Variants in ARID4B observed in about 807,000 individuals in gnomAD.
The protein encoded by ARID4B is AT-rich interaction domain 4B, also known as AT-rich interactive domain-containing protein 4B.
ARID4B carries 26 observed loss-of-function variants against 147.5 expected under a neutral mutation model. The observed-to-expected ratio is 0.18, with a 90% confidence interval of 0.13 to 0.24. The LOEUF (loss-of-function observed/expected upper bound fraction) is 0.24. ARID4B is among the 10% of genes least tolerant of loss of function. The probability of loss-of-function intolerance (pLI) is 1.00; values close to 1 mark genes in which losing one functional copy is unlikely to be tolerated. For missense variants in ARID4B, 1,179 were observed against 1,511.5 expected (o/e 0.78, Z 3.65); for synonymous variants, 512 against 507.9 (o/e 1.01, Z -0.11).
chr1:235,190,941 T>TAA (rs1424275869), intron 19 of ARID4B, among the ~76,000 whole-genome samples: 2 of 152,204 alleles, frequency 1.3e-5, no homozygotes, highest in African/African-American at 4.8e-5. Context: ...CTATTATCAT[T>TAA]AAGCTACCTG....
At chr1:235,261,173 T>C (rs905969294) in intron 2 of ARID4B, among the ~76,000 whole-genome samples, 17 of 152,166 alleles carry the variant, frequency 1.1e-4, no homozygotes, top group African/African-American at 4.1e-4. Flanking sequence ...ATCTTGGCAG[T>C]CACCCAGATT....
chr1:235,231,037 C>A, intron 10 of ARID4B, 76 bp downstream of exon 10: 3 of 1,043,818 alleles, frequency 2.9e-6, no homozygotes, highest in South Asian at 1.5e-5. Flanking sequence ...TTTTAAAGAG[C>A]AAAGAAAAAT....
chr1:235,238,153 A>AAAAAG lies in ARID4B; in HGVS notation c.585+2155_585+2159dup, dbSNP rs1232349730. Among the ~76,000 whole-genome samples, 813 of 141,688 alleles carry AAAAAG rather than the reference A, an allele frequency of 5.7e-3. 9 individuals are homozygous for AAAAAG. The highest frequency in any genetic ancestry group is 0.022 in the African/African-American group (762 of 35,248). 93.0% of individuals were successfully genotyped at this position (141,688 alleles called of 152,430 possible). On this transcript the variant is annotated intron_variant, in intron 8 of 23. Coordinates refer to ENST00000264183, the MANE Select transcript of ARID4B (RefSeq NM_016374.6). ...GGCGAAACTCCATCTCAAAAAAAAA[A>AAAAAG]AAAAGAAAAGAAAAGAAAAGAAAAA... is the stretch of plus-strand genomic sequence containing the variant.
chr1:235,265,925 C>T (rs1349281944), intron 2 of ARID4B, among the ~76,000 whole-genome samples: 1 of 151,930 alleles, frequency 6.6e-6, no homozygotes, highest in Non-Finnish European at 1.5e-5. Context: ...TACTTTACAA[C>T]CTGGGAGGCA....
intron 2 of ARID4B, among the ~76,000 whole-genome samples, chr1:235,279,913 G>T (rs1671559022): frequency 6.6e-6 from 1 of 152,190 alleles, no homozygotes; most frequent in South Asian, 2.1e-4. Context: ...TGTGTGTCTT[G>T]TGTAACTCTA....
intron 2 of ARID4B, among the ~76,000 whole-genome samples, chr1:235,301,729 TG>T (rs761525234): frequency 3.1e-4 from 46 of 149,638 alleles, no homozygotes; most frequent in Admixed American, 4.7e-4. Flanking sequence ...CTTTTTTTTT[TG>T]TGAGATGCAG....
chr1:235,185,060 G>A (rs1664581720), intron 19 of ARID4B, among the ~76,000 whole-genome samples: 1 of 152,108 alleles, frequency 6.6e-6, no homozygotes, highest in African/African-American at 2.4e-5. Flanking sequence ...CAAGTGATCT[G>A]CTCATCTCAG....
chr1:235,246,912 CATAAA>C (rs1460895938), intron 6 of ARID4B, among the ~76,000 whole-genome samples: 1 of 151,910 alleles, frequency 6.6e-6, no homozygotes, highest in Admixed American at 6.6e-5. Context: ...AATCATAATC[CATAAA>C]ATAAAATTAT....
chr1:235,241,546 G>T (rs554774958), intron 7 of ARID4B, among the ~76,000 whole-genome samples: 60 of 152,188 alleles, frequency 3.9e-4, no homozygotes, highest in Non-Finnish European at 7.5e-4. Flanking sequence ...TTGAGGCGGA[G>T]TCTAGCTCTG....
chr1:235,193,793 T>C (rs958521310), intron 19 of ARID4B, among the ~76,000 whole-genome samples: 1 of 152,176 alleles, frequency 6.6e-6, no homozygotes, highest in African/African-American at 2.4e-5. Flanking sequence ...CGGATTTGGC[T>C]TGTGGAATGC....
At chr1:235,269,369 C>T (rs1670821919) in intron 2 of ARID4B, among the ~76,000 whole-genome samples, 1 of 152,126 alleles carries the variant, frequency 6.6e-6, no homozygotes, top group Non-Finnish European at 1.5e-5. Flanking sequence ...TTGAATACTA[C>T]TGAATTATTT....
At chr1:235,301,754 A>G (rs1197567869) in intron 2 of ARID4B, among the ~76,000 whole-genome samples, 1 of 149,112 alleles carries the variant, frequency 6.7e-6, no homozygotes, top group Admixed American at 6.7e-5. Flanking sequence ...CGCTCTTATC[A>G]CCCAGGCTGG....
rs34808765 is a variant in ARID4B, at chr1:235,176,437, C to CAAAAAAAAAAAAAAAAA, written c.3449-1055_3449-1039dup. Among the ~76,000 whole-genome samples the CAAAAAAAAAAAAAAAAA allele has an allele frequency of 3.1e-4, 7 of 22,532 alleles. 1 individual carries two copies. Among genetic ancestry groups the CAAAAAAAAAAAAAAAAA allele is most frequent in the African/African-American group, 6.9e-4 (7 of 10,072 alleles). 14.8% of individuals were successfully genotyped at this position (22,532 alleles called of 152,430 possible). On this transcript the variant is annotated intron_variant, in intron 21 of 23. Coordinates refer to ENST00000264183, the MANE Select transcript of ARID4B (RefSeq NM_016374.6). The stretch of plus-strand genomic sequence containing the variant: ...CTGATTTTTCACTTAACAACATCAC[C>CAAAAAAAAAAAAAAAAA]AAAAAAAAAAAAAAAAAAAAAAAAA...
intron 20 of ARID4B, among the ~76,000 whole-genome samples, chr1:235,179,331 C>T (rs949278072): frequency 2.0e-5 from 3 of 151,120 alleles, no homozygotes; most frequent in South Asian, 2.1e-4. Flanking sequence ...GTCAGGAGTT[C>T]GTAGACCAGC....
intron 2 of ARID4B, among the ~76,000 whole-genome samples, chr1:235,319,510 CA>C (rs908404872): frequency 1.3e-5 from 2 of 151,304 alleles, no homozygotes; most frequent in African/African-American, 4.9e-5. Flanking sequence ...GGCCATGTCT[CA>C]AAAAAAATAA....
intron 2 of ARID4B, among the ~76,000 whole-genome samples, chr1:235,320,487 G>A (rs759994594): frequency 6.6e-6 from 1 of 152,116 alleles, no homozygotes; most frequent in Admixed American, 6.6e-5. Context: ...CCTTCTGACT[G>A]ATCTCCCTAC....
intron 17 of ARID4B, among the ~76,000 whole-genome samples, chr1:235,203,578 T>C (rs1483053158): frequency 6.6e-6 from 1 of 152,200 alleles, no homozygotes; most frequent in East Asian, 1.9e-4. Context: ...TAAAATCATC[T>C]ATATTTTGCT....
chr1:235,325,104 A>G (rs1675128417), intron 2 of ARID4B, among the ~76,000 whole-genome samples: 1 of 152,220 alleles, frequency 6.6e-6, no homozygotes, highest in Non-Finnish European at 1.5e-5. Context: ...TTTTAGTACT[A>G]ATAATTACTA....
chr1:235,185,924 C>T (rs10802286), intron 19 of ARID4B, among the ~76,000 whole-genome samples: 44,038 of 150,988 alleles, frequency 0.29, 7,517 homozygotes, highest in South Asian at 0.54. Flanking sequence ...TGAGCAATTT[C>T]AATGTAAAGA....
Sources: allele counts gnomAD v4.1 joint callset (sites outside exome capture counted in the v4.1 genomes callset), GRCh38; gene constraint gnomAD v4.1.1; transcripts MANE v1.5; gene names NCBI Gene and HGNC (gene_info 2026-07-23, HGNC 2026-07-21).